Variants in IQSEC1 observed in about 807,000 individuals in gnomAD.
IQSEC1 encodes IQ motif and SEC7 domain-containing protein 1.
A neutral mutation model predicts 91.0 loss-of-function variants in IQSEC1; 31 were observed. That is an observed-to-expected ratio of 0.34 (90% CI 0.26 to 0.46). The LOEUF (loss-of-function observed/expected upper bound fraction) is 0.46, where lower values mean the gene tolerates loss of function less well. Among genes scored for constraint, IQSEC1 ranks in the 20% least tolerant of loss-of-function variants. The probability of loss-of-function intolerance (pLI) is 1.00; values close to 1 mark genes in which losing one functional copy is unlikely to be tolerated. For missense variants in IQSEC1, 1,388 were observed against 1,575.6 expected, an observed-to-expected ratio of 0.88 and a Z score of 2.02; for synonymous variants, 699 against 662.6, an observed-to-expected ratio of 1.05 and a Z score of -0.84.
At chr3:12,946,326 C>T (rs1699178380) in intron 1 of IQSEC1, among the ~76,000 whole-genome samples, 1 of 152,196 alleles carries the variant, frequency 6.6e-6, no homozygotes, top group South Asian at 2.1e-4. Context: ...TTAACTGCGC[C>T]TCTGAATTTA....
intron 1 of IQSEC1, among the ~76,000 whole-genome samples, chr3:12,974,485 C>G (rs554077462): frequency 6.6e-6 from 1 of 152,210 alleles, no homozygotes; most frequent in Non-Finnish European, 1.5e-5. Context: ...GACTGCCTCT[C>G]CCAAATCCAG....
At chr3:13,179,674 C>A (rs1379276030) in intron 1 of IQSEC1, among the ~76,000 whole-genome samples, 6 of 152,282 alleles carry the variant, frequency 3.9e-5, no homozygotes, top group African/African-American at 1.4e-4. Context: ...AGCCCTTCAG[C>A]CTGCCACGGC....
intron 1 of IQSEC1, among the ~76,000 whole-genome samples, chr3:13,236,132 G>A (rs897270623): frequency 7.9e-5 from 12 of 151,998 alleles, no homozygotes; most frequent in East Asian, 3.9e-4. Context: ...CTTTGTTCCC[G>A]CTGCACAGAA....
At chr3:13,183,854 C>T (rs192047111) in intron 1 of IQSEC1, among the ~76,000 whole-genome samples, 47 of 151,964 alleles carry the variant, frequency 3.1e-4, no homozygotes, top group Admixed American at 2.7e-3. Context: ...AAAACATAGC[C>T]GACAAATAAG....
chr3:13,264,813 C>T (rs757667951), intron 1 of IQSEC1, among the ~76,000 whole-genome samples: 1 of 151,542 alleles, frequency 6.6e-6, no homozygotes, highest in Admixed American at 6.6e-5. Context: ...CCCTCTCACT[C>T]TATCCCTCTG....
chr3:13,036,669 A>G (rs1296983205), intron 1 of IQSEC1, among the ~76,000 whole-genome samples: 1 of 152,122 alleles, frequency 6.6e-6, no homozygotes, highest in African/African-American at 2.4e-5. Flanking sequence ...TGAGCCCAGG[A>G]AGCTCGGCCA....
At chr3:12,939,174 ACGCTCAGCGGAGGGAAGC>A (rs1242588788) in intron 2 of IQSEC1, among the ~76,000 whole-genome samples, 1 of 152,132 alleles carries the variant, frequency 6.6e-6, no homozygotes, top group African/African-American at 2.4e-5. Context: ...CGGAGGGAAG[ACGCTCAGCGGAGGGAAGC>A]CGCTGCCCCA....
chr3:13,041,382 G>A (rs1704261672), intron 1 of IQSEC1, among the ~76,000 whole-genome samples: 1 of 152,084 alleles, frequency 6.6e-6, no homozygotes, highest in Non-Finnish European at 1.5e-5. Flanking sequence ...GAGACCCTCC[G>A]TGCCCGCCCC....
At chr3:13,131,047 A>G (rs1250723403) in intron 2 of IQSEC1, among the ~76,000 whole-genome samples, 1 of 150,970 alleles carries the variant, frequency 6.6e-6, no homozygotes, top group African/African-American at 2.4e-5. Context: ...AAAGGAAGGA[A>G]GGAAGGAAGG....
intron 12 of IQSEC1, among the ~76,000 whole-genome samples, chr3:12,904,643 G>A (rs1465681999): frequency 6.6e-6 from 1 of 152,194 alleles, no homozygotes; most frequent in Non-Finnish European, 1.5e-5. Flanking sequence ...GGACATTGTG[G>A]CGCCATGTGG....
intron 2 of IQSEC1, among the ~76,000 whole-genome samples, chr3:13,155,552 G>A (rs1707072805): frequency 6.6e-6 from 1 of 152,212 alleles, no homozygotes; most frequent in Non-Finnish European, 1.5e-5. Context: ...AACATTTCCA[G>A]AAGAAATCAC....
At chr3:12,976,036 C>T (rs939746119) in intron 1 of IQSEC1, among the ~76,000 whole-genome samples, 1 of 152,258 alleles carries the variant, frequency 6.6e-6, no homozygotes, top group Admixed American at 6.5e-5. Flanking sequence ...CAGTTTCCTC[C>T]TCTGTGAAAT....
In IQSEC1 at chr3:13,104,335, T is replaced by C. The variant is rs532253159; in HGVS notation, c.303-56813A>G. On this transcript the variant is annotated intron_variant, in intron 2 of 15. Transcript: ENST00000648114. The stretch of plus-strand genomic sequence containing the variant: ...ATGGGGTGAGTCCCCTGGGTGACCC[T>C]GGGGTGACAAGCCTCCCAGTGAGTA... Among the ~76,000 whole-genome samples the C allele has an allele frequency of 6.3e-4, 96 of 152,150 alleles. 1 individual carries two copies. The highest frequency in any genetic ancestry group is 1.1e-3 in the Non-Finnish European group (78 of 68,004).
Position 13,038,556 on chromosome 3 carries a change from G to A in IQSEC1, c.23+34436C>T, listed in dbSNP as rs139536898. On this transcript the variant is annotated intron_variant, in intron 1 of 13. Coordinates refer to ENST00000613206, the MANE Select transcript of IQSEC1 (RefSeq NM_001134382.3). ...GGTTAATGAATACAAAAAATAGAAG[G>A]AATGAGTAAGTGAATAAGACTTACT... Among the ~76,000 whole-genome samples the A allele has an allele frequency of 5.5e-3, 840 of 152,092 alleles. 9 individuals carry two copies. The highest frequency in any genetic ancestry group is 0.018 in the African/African-American group (730 of 41,494).
At chr3:13,129,782 C>T (rs1414406500) in intron 2 of IQSEC1, among the ~76,000 whole-genome samples, 1 of 151,050 alleles carries the variant, frequency 6.6e-6, no homozygotes, top group Non-Finnish European at 1.5e-5. Flanking sequence ...CTCAGCCTCC[C>T]GAGTAGCTGG....
At chr3:13,010,897 C>G (rs780807039) in intron 1 of IQSEC1, among the ~76,000 whole-genome samples, 2 of 152,022 alleles carry the variant, frequency 1.3e-5, no homozygotes, top group African/African-American at 4.8e-5. Context: ...CATGAAGACT[C>G]GACCTACAGT....
chr3:13,178,662 G>A (rs357140), intron 1 of IQSEC1, among the ~76,000 whole-genome samples: 125,426 of 152,228 alleles, frequency 0.82, 52,236 homozygotes, highest in African/African-American at 0.95. Context: ...CAAAATCTAA[G>A]GAAGGCCTCT....
At chr3:13,016,949 G>A (rs1387336786) in intron 1 of IQSEC1, among the ~76,000 whole-genome samples, 1 of 152,162 alleles carries the variant, frequency 6.6e-6, no homozygotes, top group African/African-American at 2.4e-5. Flanking sequence ...TGCCTGTTCT[G>A]GACATTTCCT....
intron 1 of IQSEC1, among the ~76,000 whole-genome samples, chr3:13,000,587 C>G (rs909435477): frequency 2.6e-5 from 4 of 152,238 alleles, no homozygotes; most frequent in Non-Finnish European, 4.4e-5. Flanking sequence ...TTCATCACTG[C>G]TTTACTAGGA....
Sources: allele counts gnomAD v4.1 joint callset (sites outside exome capture counted in the v4.1 genomes callset), GRCh38; gene constraint gnomAD v4.1.1; transcripts MANE v1.5; gene names NCBI Gene and HGNC (gene_info 2026-07-23, HGNC 2026-07-21).